The following PRUNE2 variants were observed in gnomAD, a reference collection of about 807,000 sequenced individuals.
PRUNE2 encodes the protein prune homolog 2 with BCH domain.
PRUNE2 carries 164 observed loss-of-function variants against 252.0 expected under a neutral mutation model. The observed-to-expected ratio is 0.65, with a 90% CI of 0.57 to 0.74. The LOEUF (loss-of-function observed/expected upper bound fraction) is 0.74, where lower values mean the gene tolerates loss of function less well. Ranked by LOEUF, PRUNE2 falls within the 30% of genes least tolerant of loss-of-function variation. The pLI is 0.00. For synonymous variants in PRUNE2, 1,292 were observed against 1,350.2 expected (o/e 0.96, Z 0.94); for missense variants, 3,495 against 3,711.0 (o/e 0.94, Z 1.51).
At chr9:76,657,848 C>A (rs1324189917) in intron 9 of PRUNE2, among the ~76,000 whole-genome samples, 1 of 152,190 alleles carries the variant, frequency 6.6e-6, no homozygotes, top group African/African-American at 2.4e-5. Context: ...TATTACTGCA[C>A]AAATCTCCAC....
intron 6 of PRUNE2, among the ~76,000 whole-genome samples, chr9:76,800,294 T>C (rs1305863466): frequency 1.3e-5 from 2 of 150,386 alleles, no homozygotes; most frequent in African/African-American, 2.4e-5. Context: ...AGTGAGAACA[T>C]GCGGTGTTTG....
intron 15 of PRUNE2, among the ~76,000 whole-genome samples, chr9:76,633,013 G>C (rs1312975325): frequency 1.3e-5 from 2 of 151,448 alleles, no homozygotes; most frequent in East Asian, 2.0e-4. Flanking sequence ...CTTGAGGTCA[G>C]GAGTTCAAGA....
intron 9 of PRUNE2, among the ~76,000 whole-genome samples, chr9:76,696,540 C>T (rs928075223): frequency 4.4e-4 from 67 of 152,288 alleles, no homozygotes; most frequent in African/African-American, 1.5e-3. Flanking sequence ...ATTCTCATGC[C>T]TCAGTCTCCC....
At chr9:76,893,126 T>G (rs528285454) in intron 1 of PRUNE2, among the ~76,000 whole-genome samples, 1 of 152,326 alleles carries the variant, frequency 6.6e-6, no homozygotes, top group Admixed American at 6.5e-5. Context: ...ATGCCTGTAG[T>G]CGTAGCTACT....
intron 3 of PRUNE2, among the ~76,000 whole-genome samples, chr9:76,846,939 A>T (rs1043286082): frequency 1.3e-5 from 2 of 152,192 alleles, no homozygotes; most frequent in African/African-American, 2.4e-5. Context: ...AAATAATAGT[A>T]ACTAACACTA....
Position 76,895,095 on chromosome 9 carries a change from A to T in PRUNE2, c.36+10833T>A, listed in dbSNP as rs535504150. 1.4e-4 allele frequency among the ~76,000 whole-genome samples: 21 copies of T among 152,264 alleles called. No homozygotes were observed. The South Asian group carries it at 3.9e-3, about 29-fold the overall frequency. ...GGAGAAAAAAAAAGCCACTCATCCTAAAAGTCCTGTTTTTTCAACTGAGGG... is the reference window on the plus strand; with the variant it reads ...GGAGAAAAAAAAAGCCACTCATCCTTAAAGTCCTGTTTTTTCAACTGAGGG... On this transcript the variant is annotated intron_variant, in intron 1 of 18. Transcript: ENST00000376718.
At chr9:76,898,676 A>T (rs905707451) in intron 1 of PRUNE2, among the ~76,000 whole-genome samples, 6 of 152,172 alleles carry the variant, frequency 3.9e-5, no homozygotes, top group African/African-American at 1.4e-4. Flanking sequence ...AGTAACAATT[A>T]AAAAAACAAA....
intron 10 of PRUNE2, among the ~76,000 whole-genome samples, chr9:76,653,777 C>T (rs7859873): frequency 0.053 from 8,040 of 152,106 alleles, 497 homozygotes; most frequent in East Asian, 0.16. Context: ...AAGCAGTCAC[C>T]AGCTCTTATG....
At chr9:76,685,303 C>T (rs1294367906) in intron 9 of PRUNE2, among the ~76,000 whole-genome samples, 1 of 152,142 alleles carries the variant, frequency 6.6e-6, no homozygotes, top group Admixed American at 6.5e-5. Flanking sequence ...TGAAGGGATG[C>T]AGAGACTCAT....
intron 6 of PRUNE2, among the ~76,000 whole-genome samples, chr9:76,774,450 C>CTTTTTTTATTTATTTATTTATTTT (rs1564272256): frequency 2.2e-4 from 9 of 41,394 alleles, no homozygotes; most frequent in East Asian, 1.0e-3. Context: ...CAGTTCAACC[C>CTTTTTTTATTTATTTATTTATTTT]TTTTTTTTTT....
intron 6 of PRUNE2, among the ~76,000 whole-genome samples, chr9:76,800,870 T>C (rs946494871): frequency 6.6e-6 from 1 of 152,218 alleles, no homozygotes; most frequent in Admixed American, 6.5e-5. Context: ...ATATATTTTA[T>C]ACTTAACATT....
intron 12 of PRUNE2, 106 bp from the exon 13 acceptor site, chr9:76,638,394 G>T: frequency 2.8e-6 from 2 of 723,498 alleles, no homozygotes; most frequent in South Asian, 1.6e-5. Flanking sequence ...GTCTTTGTGG[G>T]TATATTAGCA....
In PRUNE2 at chr9:76,796,726, C is replaced by G. The variant is rs182141861; in HGVS notation, c.756+26906G>C. On this transcript the variant is annotated intron_variant, in intron 6 of 18. Transcript: ENST00000376718. Reference sequence around the variant, plus strand: ...AGGTATGTCTCTGATGGTGTTTCTGCATGAGATTAACACTGGAATTAGCAG... The same window carrying G: ...AGGTATGTCTCTGATGGTGTTTCTGGATGAGATTAACACTGGAATTAGCAG... Among the ~76,000 whole-genome samples, 585 of 152,298 alleles carry G rather than the reference C, an allele frequency of 3.8e-3. 6 individuals carry two copies. Among genetic ancestry groups the G allele is most frequent in the African/African-American group, 0.014 (563 of 41,554 alleles).
intron 1 of PRUNE2, among the ~76,000 whole-genome samples, chr9:76,892,062 A>AGC (rs1301999374): frequency 1.7e-5 from 2 of 114,468 alleles, no homozygotes; most frequent in Non-Finnish European, 3.7e-5. Flanking sequence ...AAGAGAAAGT[A>AGC]GCCCCCCCAG....
chr9:76,871,955 C>T (rs1232021732), intron 1 of PRUNE2, among the ~76,000 whole-genome samples: 3 of 152,080 alleles, frequency 2.0e-5, no homozygotes, highest in Admixed American at 6.6e-5. Context: ...CTTAAAATTA[C>T]GCTGTAGATA....
At chr9:76,646,739 C>A (rs1378164264) in intron 11 of PRUNE2, among the ~76,000 whole-genome samples, 2 of 152,134 alleles carry the variant, frequency 1.3e-5, no homozygotes, top group African/African-American at 4.8e-5. Context: ...TTGTACACAC[C>A]CTCCTTTCCC....
intron 6 of PRUNE2, among the ~76,000 whole-genome samples, chr9:76,777,379 G>A (rs940540249): frequency 1.3e-5 from 2 of 152,114 alleles, no homozygotes; most frequent in Non-Finnish European, 1.5e-5. Flanking sequence ...AAGTAAGCAG[G>A]AGCACTGGCC....
At chr9:76,886,023 C>CAA (rs535220781) in intron 1 of PRUNE2, among the ~76,000 whole-genome samples, 1 of 137,114 alleles carries the variant, frequency 7.3e-6, no homozygotes, top group African/African-American at 2.7e-5. Context: ...ACTAAAAATA[C>CAA]AAAAAAAAAA....
At chr9:76,720,887 G>C (rs2047581623) in intron 6 of PRUNE2, among the ~76,000 whole-genome samples, 1 of 152,140 alleles carries the variant, frequency 6.6e-6, no homozygotes, top group African/African-American at 2.4e-5. Flanking sequence ...GCTGAGGCGG[G>C]CGGATCACAA....
Sources: allele counts gnomAD v4.1 joint callset (sites outside exome capture counted in the v4.1 genomes callset), GRCh38; gene constraint gnomAD v4.1.1; transcripts MANE v1.5; gene names NCBI Gene and HGNC (gene_info 2026-07-23, HGNC 2026-07-21).